Variants in OR2T1 observed in about 807,000 individuals in gnomAD.
OR2T1 encodes olfactory receptor family 2 subfamily T member 1.
For synonymous variants in OR2T1, 186 were observed against 145.4 expected (o/e 1.28, Z -2.01); for missense variants, 440 against 390.2 (o/e 1.13, Z -1.07).
chr1:248,406,506 A>G lies in OR2T1; in HGVS notation c.359A>G (p.Asp120Gly), dbSNP rs770729205. ...TTCCTGCTGGGCCTCATGGCCTATG[A>G]CCGCTATGTGGCCATTTGCAACCCT... ...EFFLLGLMAY[D>G]RYVAICNPLR... The change falls in exon 2 of 2, where the codon GAC becomes GGC. Residue 120 changes from aspartate to glycine, a missense_variant. By Grantham distance (94) the Asp-to-Gly change is moderately conservative. Coordinates refer to ENST00000642005, the MANE Select transcript of OR2T1 (RefSeq NM_030904.2). 6.2e-7 allele frequency: 1 copy of G among 1,614,012 alleles called. No individual in the cohort carries two copies. Among genetic ancestry groups the G allele is most frequent in the Non-Finnish European group, 8.5e-7 (1 of 1,179,978 alleles).
In OR2T1 at chr1:248,406,532, C is replaced by G; in HGVS notation, c.385C>G (p.Leu129Val). Residue 129 changes from leucine to valine, a missense_variant, in exon 2 of 2, where the codon CTG becomes GTG. Coordinates refer to ENST00000642005, the MANE Select transcript of OR2T1 (RefSeq NM_030904.2). ...CCGCTATGTGGCCATTTGCAACCCTCTGAGATACCCTGTCCTCATGAGCCG... is the reference window on the plus strand; with the variant it reads ...CCGCTATGTGGCCATTTGCAACCCTGTGAGATACCCTGTCCTCATGAGCCG... ...YDRYVAICNPLRYPVLMSRRV... is the reference protein window; with the variant it reads ...YDRYVAICNPVRYPVLMSRRV... 1 of 1,614,144 alleles carries G rather than the reference C, an allele frequency of 6.2e-7. No homozygotes were observed. Among genetic ancestry groups the G allele is most frequent in the African/African-American group, 1.3e-5 (1 of 75,030 alleles).
chr1:248,405,938 T>A (rs557683334), intron 1 of OR2T1, 177 bp from the exon 2 acceptor site: 1 of 1,400,254 alleles, frequency 7.1e-7, no homozygotes, highest in South Asian at 1.4e-5. Flanking sequence ...TGATTAATAA[T>A]GACCAATTTT....
rs1243894792 is a variant in OR2T1, at chr1:248,406,773, C to G, written c.626C>G (p.Pro209Arg). 1.2e-6 allele frequency: 2 copies of G among 1,614,056 alleles called. No individual in the cohort carries two copies. The highest frequency in any genetic ancestry group is 2.7e-5 in the African/African-American group (2 of 74,922). Residue 209 changes from proline to arginine, a missense_variant, in exon 2 of 2, where the codon CCT becomes CGT. Pro to Arg is a moderately radical substitution (Grantham distance 103). Transcript: ENST00000642005. ...TGCTGTGTTTTGATGCTGCTGATTC[C>G]TTTCTCTGTAGTCCTTGCTTCCTAT... ...YVCCVLMLLI[P>R]FSVVLASYAR...
chr1:248,405,709 G>T (rs536822083), intron 1 of OR2T1, among the ~76,000 whole-genome samples: 1 of 152,294 alleles, frequency 6.6e-6, no homozygotes, highest in African/African-American at 2.4e-5. Context: ...CAGCACCAAA[G>T]ATGTTTTGAA....
intron 1 of OR2T1, among the ~76,000 whole-genome samples, chr1:248,405,728 T>C (rs1475870293): frequency 6.6e-6 from 1 of 152,188 alleles, no homozygotes; most frequent in Non-Finnish European, 1.5e-5. Context: ...AAAGTAGTGG[T>C]GATGCCAACC....
Position 248,406,698 on chromosome 1 carries a change from T to G in OR2T1, c.551T>G (p.Leu184Arg), listed in dbSNP as rs1275043368. ...NHFFCEAPAV[L>R]KLACADTALY... ...TTCTTCTGTGAGGCACCAGCAGTCC[T>G]GAAGTTGGCATGTGCAGACACAGCC... is the stretch of plus-strand genomic sequence containing the variant. The change falls in exon 2 of 2, where the codon CTG becomes CGG. Residue 184 changes from leucine (L) to arginine (R), a missense_variant. Coordinates refer to ENST00000642005, the MANE Select transcript of OR2T1 (RefSeq NM_030904.2). 6.2e-7 allele frequency: 1 copy of G among 1,614,038 alleles called. No homozygotes were observed. The highest frequency in any genetic ancestry group is 8.5e-7 in the Non-Finnish European group (1 of 1,180,012).
rs41269351 is a variant in OR2T1, at chr1:248,406,373, A to C, written c.226A>C (p.Ile76Leu). Residue 76 changes from isoleucine to leucine, a missense_variant, in exon 2 of 2, where the codon ATT becomes CTT. Coordinates refer to ENST00000642005, the MANE Select transcript of OR2T1 (RefSeq NM_030904.2). Reference sequence around the variant, plus strand: ...AATTGACATGATGTATATTTCCACTATTGTGCCTAAGATGCTGGTTAATTA... The same window carrying C: ...AATTGACATGATGTATATTTCCACTCTTGTGCCTAAGATGCTGGTTAATTA... ...SLIDMMYIST[I>L]VPKMLVNYLL... The C allele has an allele frequency of 6.2e-7, 1 of 1,613,972 alleles. No individual in the cohort carries two copies. Among genetic ancestry groups the C allele is most frequent in the Admixed American group, 1.7e-5 (1 of 59,994 alleles).
rs79779218 is a variant in OR2T1 at position 248,406,900 on chromosome 1, C to T, written c.753C>T (p.Tyr251=). Residue 251 remains tyrosine, a synonymous_variant, in exon 2 of 2, where the codon TAC becomes TAT. Transcript: ENST00000642005. ...SSHMTVVSLF[Y]GAAMYTYMLP... Reference sequence around the variant, plus strand: ...ACATGACTGTGGTGTCCTTGTTCTACGGGGCTGCCATGTACACCTACATGC... The same window carrying T: ...ACATGACTGTGGTGTCCTTGTTCTATGGGGCTGCCATGTACACCTACATGC... 3.6e-3 allele frequency: 5,734 copies of T among 1,613,982 alleles called. 163 individuals carry two copies. The African/African-American group carries it at 0.066, about 19-fold the overall frequency.
chr1:248,405,900 A>T, intron 1 of OR2T1: 1 of 1,022,780 alleles, frequency 9.8e-7, no homozygotes, highest in Non-Finnish European at 1.4e-6. Context: ...TGCTGACCTC[A>T]TCTTCTCCAA....
intron 1 of OR2T1, among the ~76,000 whole-genome samples, chr1:248,405,471 T>G (rs1238012446): frequency 6.6e-6 from 1 of 152,164 alleles, no homozygotes; most frequent in Admixed American, 6.5e-5. Context: ...TAAATAAAAT[T>G]CTACAACACT....
intron 1 of OR2T1, 62 bp from the exon 2 acceptor site, chr1:248,406,052 CT>C: frequency 6.2e-7 from 1 of 1,613,134 alleles, no homozygotes; most frequent in Non-Finnish European, 8.5e-7. Flanking sequence ...AGTTTGCTGC[CT>C]AACAATTAAT....
Position 248,406,138 on chromosome 1 carries a change from T to G in OR2T1, c.-10T>G. 1.2e-6 allele frequency: 2 copies of G among 1,614,128 alleles called. No individual in the cohort carries two copies. ...AGATATTACCTTATATCGGCACAAC[T>G]GTAGGATCAATGGAAGAGTACAACA... On this transcript the variant is annotated 5_prime_UTR_variant, in exon 2 of 2. Coordinates refer to ENST00000642005, the MANE Select transcript of OR2T1 (RefSeq NM_030904.2).
Position 248,406,451 on chromosome 1 carries a change from C to G in OR2T1, c.304C>G (p.Leu102Val). Residue 102 changes from leucine to valine, a missense_variant, in exon 2 of 2, where the codon CTC becomes GTC. Transcript: ENST00000642005. Reference protein sequence around the residue: ...SFVGCTAQHFLYLTLVGAEFF... With the variant: ...SFVGCTAQHFVYLTLVGAEFF... ...TGTGGGGTGCACAGCTCAACACTTC[C>G]TCTACCTTACCCTTGTGGGAGCTGA... 1.2e-6 allele frequency: 2 copies of G among 1,614,184 alleles called. No individual in the cohort carries two copies. The highest frequency in any genetic ancestry group is 1.7e-6 in the Non-Finnish European group (2 of 1,180,024).
In OR2T1 at chr1:248,403,742, C is replaced by A. The variant is rs1021635934; in HGVS notation, c.-34+497C>A. Among the ~76,000 whole-genome samples the A allele has an allele frequency of 2.6e-5, 4 of 152,072 alleles. No individual in the cohort carries two copies. The East Asian group carries it at 7.7e-4, about 29-fold the overall frequency. On this transcript the variant is annotated intron_variant, in intron 1 of 1. Transcript: ENST00000642005. ...TATTGTGCTCACTCTAGTGAGAGAG[C>A]AGATAATAAATTTAACAAAACATTT...
rs1661580192 is a variant in OR2T1 at position 248,407,118 on chromosome 1, C to T, written c.*14C>T. On this transcript the variant is annotated 3_prime_UTR_variant, in exon 2 of 2. Coordinates refer to ENST00000642005, the MANE Select transcript of OR2T1 (RefSeq NM_030904.2). ...GGTGTCTTTTGACAGTCGACTCCTT[C>T]CCATGCATATGGTAAATGGGGGACT... is the stretch of plus-strand genomic sequence containing the variant. The T allele has an allele frequency of 2.6e-6, 4 of 1,551,766 alleles. No homozygotes were observed. The highest frequency in any genetic ancestry group is 4.0e-5 in the Admixed American group (2 of 49,988).
In OR2T1 at chr1:248,406,751, T is replaced by C. The variant is rs1661569616; in HGVS notation, c.604T>C (p.Cys202Arg). 4 of 1,614,204 alleles carry C rather than the reference T, an allele frequency of 2.5e-6. No individual in the cohort carries two copies. The highest frequency in any genetic ancestry group is 3.4e-6 in the Non-Finnish European group (4 of 1,180,022). ...ALYETVMYVC[C>R]VLMLLIPFSV... ...CTACGAGACAGTGATGTATGTGTGCTGTGTTTTGATGCTGCTGATTCCTTT... is the reference window on the plus strand; with the variant it reads ...CTACGAGACAGTGATGTATGTGTGCCGTGTTTTGATGCTGCTGATTCCTTT... Residue 202 changes from cysteine (C) to arginine (R), a missense_variant, in exon 2 of 2, where the codon TGT becomes CGT. Physicochemically the swap from Cys to Arg is radical, Grantham distance 180. Transcript: ENST00000642005.
rs1381528698 is a variant in OR2T1, at chr1:248,407,018, C to A, written c.871C>A (p.Leu291Ile). The A allele has an allele frequency of 4.3e-6, 7 of 1,613,922 alleles. No homozygotes were observed. In the Admixed American group the frequency reaches 1.0e-4, roughly 23 times the overall value. The stretch of plus-strand genomic sequence containing the variant: ...CATGCTGAACCCCCTCATCTACAGC[C>A]TTAGAAACAAGGATGTGACTGGAGC... ...TPMLNPLIYSLRNKDVTGALK... is the reference protein window; with the variant it reads ...TPMLNPLIYSIRNKDVTGALK... The change falls in exon 2 of 2, where the codon CTT becomes ATT. Residue 291 changes from leucine (L) to isoleucine (I), a missense_variant. By Grantham distance (5) the Leu-to-Ile change is conservative (BLOSUM62 2). Transcript: ENST00000642005.
In OR2T1 at chr1:248,406,951, C is replaced by A; in HGVS notation, c.804C>A (p.Ala268=). ...YMLPHSYHKP[A]QDKVLSVFYT... is the part of the protein sequence containing the mutation. ...TGCCACATTCTTACCACAAGCCAGC[C>A]CAGGACAAAGTCCTCTCTGTGTTTT... Residue 268 remains alanine (A), a synonymous_variant, in exon 2 of 2, where the codon GCC becomes GCA. Coordinates refer to ENST00000642005, the MANE Select transcript of OR2T1 (RefSeq NM_030904.2). 1 of 1,614,098 alleles carries A rather than the reference C, an allele frequency of 6.2e-7. No individual in the cohort carries two copies. Among genetic ancestry groups the A allele is most frequent in the Non-Finnish European group, 8.5e-7 (1 of 1,179,994 alleles).
chr1:248,407,200 A>T lies in OR2T1; in HGVS notation c.*96A>T. The T allele has an allele frequency of 8.1e-7, 1 of 1,234,926 alleles. No homozygotes were observed. The highest frequency in any genetic ancestry group is 2.6e-4 in the Middle Eastern group (1 of 3,844). The allele number at this position is 1,234,926 out of a possible 1,614,324, so 76.5% of individuals were successfully genotyped here. On this transcript the variant is annotated 3_prime_UTR_variant, in exon 2 of 2. Transcript: ENST00000642005. ...AGATGAAGCAAAAAGGGAGGGAGTC[A>T]TATGATTACAATATTGGTTTTTTGG...
Sources: allele counts gnomAD v4.1 joint callset (sites outside exome capture counted in the v4.1 genomes callset), GRCh38; gene constraint gnomAD v4.1.1; transcripts MANE v1.5; gene names NCBI Gene and HGNC (gene_info 2026-07-23, HGNC 2026-07-21).